The following HNRNPA1L3 variants were observed in gnomAD, a reference collection of about 807,000 sequenced individuals.
HNRNPA1L3 encodes heterogeneous nuclear ribonucleoprotein A1 like 3, also known as heterogeneous nuclear ribonucleoprotein A1-like 3.
chr16:51,645,869 A>G, the HNRNPA1L3 span: 1,731 of 1,607,272 alleles, frequency 1.1e-3, 1 homozygote, highest in Non-Finnish European at 1.4e-3. Flanking sequence ...GAAGCTCTTC[A>G]TTGGAGGGTT....
At chr16:51,646,353 A>T in the HNRNPA1L3 span, 6 of 1,544,810 alleles carry the variant, frequency 3.9e-6, no homozygotes, top group Non-Finnish European at 5.3e-6. Flanking sequence ...GAAGTTAGAA[A>T]AGCCCTGTCA....
the HNRNPA1L3 span, chr16:51,645,975 G>A: frequency 2.3e-4 from 372 of 1,603,492 alleles, 1 homozygote; most frequent in African/African-American, 3.0e-3. Context: ...AACACGAAGC[G>A]CTCCAGGGGC....
the HNRNPA1L3 span, chr16:51,645,799 C>T: frequency 4.4e-6 from 7 of 1,607,670 alleles, no homozygotes; most frequent in Admixed American, 8.3e-5. Flanking sequence ...TCGTTAAAGT[C>T]TCTCTTCACC....
chr16:51,646,769 A>C, the HNRNPA1L3 span: 5 of 1,595,624 alleles, frequency 3.1e-6, no homozygotes, highest in East Asian at 1.1e-4. Flanking sequence ...TGGCAGTGGC[A>C]GAAGATTTTA....
the HNRNPA1L3 span, chr16:51,646,677 G>A: frequency 6.3e-7 from 1 of 1,598,520 alleles, no homozygotes; most frequent in African/African-American, 1.3e-5. Flanking sequence ...AGAAGCTCTG[G>A]CCCCCATGGC....
chr16:51,646,032 T>C, the HNRNPA1L3 span: 23 of 1,585,194 alleles, frequency 1.5e-5, no homozygotes, highest in East Asian at 2.2e-5. Flanking sequence ...GATGCAGCTA[T>C]GAATGCAAGG....
chr16:51,647,070 C>T, the HNRNPA1L3 span: 6 of 409,976 alleles, frequency 1.5e-5, no homozygotes, highest in African/African-American at 4.2e-5. Flanking sequence ...CTGTTGATTG[C>T]TAAATGTAAT....
At chr16:51,646,089 C>G in the HNRNPA1L3 span, 1 of 1,595,432 alleles carries the variant, frequency 6.3e-7, no homozygotes, top group Non-Finnish European at 8.5e-7. Flanking sequence ...AGAGCTGTCT[C>G]CAGAGAAGAT....
At chr16:51,646,643 A>G in the HNRNPA1L3 span, 189 of 1,597,632 alleles carry the variant, frequency 1.2e-4, no homozygotes, top group Non-Finnish European at 1.6e-4. Context: ...TTTTGGACCC[A>G]TGAAGGGAGG....
At chr16:51,645,780 G>A in the HNRNPA1L3 span, 93 of 1,607,868 alleles carry the variant, frequency 5.8e-5, no homozygotes, top group Middle Eastern at 6.8e-4. Context: ...GGACGCCGCC[G>A]AAGAAGCATC....
At chr16:51,646,336 C>G in the HNRNPA1L3 span, 1 of 1,561,376 alleles carries the variant, frequency 6.4e-7, no homozygotes, top group Non-Finnish European at 8.7e-7. Context: ...TGAATGGCCA[C>G]AACTGTGAAG....
the HNRNPA1L3 span, chr16:51,645,939 C>T: frequency 4.4e-5 from 70 of 1,606,154 alleles, no homozygotes; most frequent in Admixed American, 4.0e-4. Flanking sequence ...GGAACGCTCA[C>T]GGACTGTGTG....
At chr16:51,645,943 C>G in the HNRNPA1L3 span, 32 of 1,605,996 alleles carry the variant, frequency 2.0e-5, no homozygotes, top group Non-Finnish European at 2.6e-5. Flanking sequence ...CGCTCACGGA[C>G]TGTGTGGTAA....
At chr16:51,645,872 G>A in the HNRNPA1L3 span, 1 of 1,606,176 alleles carries the variant, frequency 6.2e-7, no homozygotes, top group Non-Finnish European at 8.5e-7. Flanking sequence ...GCTCTTCATT[G>A]GAGGGTTGAG....
At chr16:51,646,266 T>C in the HNRNPA1L3 span, 3 of 1,596,560 alleles carry the variant, frequency 1.9e-6, no homozygotes, top group Non-Finnish European at 1.7e-6. Flanking sequence ...GGCTTTGCCT[T>C]TGTAACCTTT....
the HNRNPA1L3 span, chr16:51,646,649 G>A: frequency 9.0e-5 from 144 of 1,597,934 alleles, no homozygotes; most frequent in African/African-American, 1.7e-3. Context: ...ACCCATGAAG[G>A]GAGGAAATTT....
At chr16:51,646,184 GATT>G in the HNRNPA1L3 span, 1 of 1,590,076 alleles carries the variant, frequency 6.3e-7, no homozygotes, top group African/African-American at 1.3e-5. Context: ...TCACCTAAGA[GATT>G]ATTTTGAACA....
the HNRNPA1L3 span, chr16:51,645,785 A>C: frequency 6.2e-7 from 1 of 1,608,286 alleles, no homozygotes; most frequent in Non-Finnish European, 8.5e-7. Context: ...CCGCCGAAGA[A>C]GCATCGTTAA....
chr16:51,646,216 G>C, the HNRNPA1L3 span: 3 of 1,596,302 alleles, frequency 1.9e-6, no homozygotes, highest in Non-Finnish European at 2.5e-6. Context: ...AAATTGAAGT[G>C]ATTGAAATCA....
Sources: allele counts gnomAD v4.1 joint callset, GRCh38; gene constraint gnomAD v4.1.1; transcripts MANE v1.5; gene names NCBI Gene and HGNC (gene_info 2026-07-23, HGNC 2026-07-21).